Variants in SFI1 observed in about 807,000 individuals in gnomAD.
SFI1 encodes protein SFI1 homolog.
Under a neutral mutation model 207.5 loss-of-function variants are expected in SFI1, and 195 were observed. The observed-to-expected ratio is 0.94, with a 90% confidence interval of 0.84 to 1.06. SFI1 has a LOEUF of 1.06. SFI1 is among the 50% of genes least tolerant of loss of function. The pLI is 0.00. For synonymous variants in SFI1, 630 were observed against 598.9 expected, an observed-to-expected ratio of 1.05 and a Z score of -0.76; for missense variants, 1,634 against 1,588.0, an observed-to-expected ratio of 1.03 and a Z score of -0.49.
In SFI1 at chr22:31,565,823, A is replaced by C. The variant is rs2062236281; in HGVS notation, c.765+4431A>C. Among the ~76,000 whole-genome samples the C allele has an allele frequency of 1.3e-5, 2 of 151,902 alleles. 1 individual carries two copies. Among genetic ancestry groups the C allele is most frequent in the Admixed American group, 1.3e-4 (2 of 15,232 alleles). ...AACGGTATATTTTTGAGGTTTAGCC[A>C]TGTGATTTCTTTCTTCCTTTTTTAA... On this transcript the variant is annotated intron_variant, in intron 8 of 32. Transcript: ENST00000400288.
In SFI1 at chr22:31,616,662, A is replaced by C. The variant is rs1003744802; in HGVS notation, c.3301-83A>C. ...TGGTCTTCCCCCACCCCTGCAGGGCAGGCAGTGACAAGGACTTGGTGTCCC... is the reference window on the plus strand; with the variant it reads ...TGGTCTTCCCCCACCCCTGCAGGGCCGGCAGTGACAAGGACTTGGTGTCCC... On this transcript the variant is annotated intron_variant, in intron 29 of 32. Coordinates refer to ENST00000400288, the MANE Select transcript of SFI1 (RefSeq NM_001007467.3). 3 of 1,430,036 alleles carry C rather than the reference A, an allele frequency of 2.1e-6. No homozygotes were observed. The African/African-American group carries it at 4.3e-5, about 20-fold the overall frequency. 88.6% of individuals were successfully genotyped at this position (1,430,036 alleles called of 1,614,324 possible). A position where few individuals can be genotyped will look rare whatever the true frequency, so the allele number is the denominator to read the frequency against.
Position 31,578,429 on chromosome 22 carries a change from G to A in SFI1, c.1132G>A (p.Glu378Lys), listed in dbSNP as rs1309859577. 6.2e-7 allele frequency: 1 copy of A among 1,613,740 alleles called. No individual in the cohort carries two copies. Among genetic ancestry groups the A allele is most frequent in the East Asian group, 2.2e-5 (1 of 44,876 alleles). ...AGCTGCCCAGTTTGAGATGGCAGAA[G>A]AGCACCACAGGCACAGCCAGCTGGT... Reference protein sequence around the residue: ...EEAAQFEMAEEHHRHSQLYFC... With the variant: ...EEAAQFEMAEKHHRHSQLYFC... Residue 378 changes from glutamate to lysine, a missense_variant, in exon 11 of 33, where the codon GAG becomes AAG. Coordinates refer to ENST00000400288, the MANE Select transcript of SFI1 (RefSeq NM_001007467.3).
rs534819316 is a variant in SFI1, at chr22:31,522,475, A to G, written c.93-6215A>G. Among the ~76,000 whole-genome samples, 88 of 152,312 alleles carry G rather than the reference A, an allele frequency of 5.8e-4. 1 individual carries two copies. The South Asian group carries it at 0.018, about 31-fold the overall frequency. On this transcript the variant is annotated intron_variant, in intron 2 of 32. Coordinates refer to ENST00000400288, the MANE Select transcript of SFI1 (RefSeq NM_001007467.3). ...CATCCCATGTGGAAATTCTGTATTC[A>G]TTAAATGGTATCTCCTCATTCCTCC...
chr22:31,524,059 G>A (rs928277027), intron 2 of SFI1, among the ~76,000 whole-genome samples: 1 of 150,642 alleles, frequency 6.6e-6, no homozygotes, highest in Non-Finnish European at 1.5e-5. Context: ...AAAATTAGCC[G>A]GGCTTGGTGG....
At position 31,613,685 on chromosome 22, in the gene SFI1, G is replaced by A. The variant is rs1232440262; in HGVS notation, c.2826G>A (p.Gln942=). 8 of 1,611,250 alleles carry A rather than the reference G, an allele frequency of 5.0e-6. No individual in the cohort carries two copies. In the South Asian group the frequency reaches 8.8e-5, roughly 18 times the overall value. The change falls in exon 27 of 33, where the codon CAG becomes CAA. Residue 942 remains glutamine, a synonymous_variant. Coordinates refer to ENST00000400288, the MANE Select transcript of SFI1 (RefSeq NM_001007467.3). ...QKVLGRGGKP[Q]PLAAIAPSRK... ...TGCTGGGCCGGGGCGGGAAGCCTCA[G>A]CCCCTGGCAGCCATCGCACCCAGCA...
Position 31,557,067 on chromosome 22 carries a change from T to TG in SFI1, c.662+9dup. Reference sequence around the variant, plus strand: ...GCAACGGATTATCTTACGGTGAGTCTGCTCAACTGCCCTACAAAGTACCAG... The same window carrying TG: ...GCAACGGATTATCTTACGGTGAGTCTGGCTCAACTGCCCTACAAAGTACCAG... On this transcript the variant is annotated intron_variant, in intron 7 of 32. Coordinates refer to ENST00000400288, the MANE Select transcript of SFI1 (RefSeq NM_001007467.3). The TG allele has an allele frequency of 5.1e-6, 8 of 1,554,168 alleles. No homozygotes were observed. The highest frequency in any genetic ancestry group is 7.0e-6 in the Non-Finnish European group (8 of 1,135,050).
In SFI1 at chr22:31,613,851, G is replaced by T. The variant is rs1419859092; in HGVS notation, c.2992G>T (p.Glu998Ter). 3 of 1,601,188 alleles carry T rather than the reference G, an allele frequency of 1.9e-6. No individual in the cohort carries two copies. In the Admixed American group the frequency reaches 5.1e-5, roughly 27 times the overall value. ...RLAAEEPHAL[E>*]LNTAHSARKQ... ...GGCTGCTGAGGAGCCCCACGCCCTG[G>T]AGCTGTGAGTAGCCTGTGCTCACCT... is the stretch of plus-strand genomic sequence containing the variant. Residue 998 changes from glutamate (E) to a stop codon, truncating the protein, a stop_gained, in exon 27 of 33, where the codon GAG (glutamate) becomes TAG (stop). Coordinates refer to ENST00000400288, the MANE Select transcript of SFI1 (RefSeq NM_001007467.3). LOFTEE classifies it high-confidence loss of function.
At chr22:31,566,981 C>T (rs2062378776) in intron 8 of SFI1, among the ~76,000 whole-genome samples, 1 of 152,132 alleles carries the variant, frequency 6.6e-6, no homozygotes, top group African/African-American at 2.4e-5. Flanking sequence ...TCTCGGCTCA[C>T]TGCAAGCTCC....
At position 31,526,977 on chromosome 22, in the gene SFI1, A is replaced by G. The variant is rs138584216; in HGVS notation, c.93-1713A>G. Reference sequence around the variant, plus strand: ...GAGTGCAATGGCATGGCTCACCGCAACCTCCGCCTCCCGGGTTCAAGCGAT... The same window carrying G: ...GAGTGCAATGGCATGGCTCACCGCAGCCTCCGCCTCCCGGGTTCAAGCGAT... On this transcript the variant is annotated intron_variant, in intron 2 of 32. Transcript: ENST00000400288. Among the ~76,000 whole-genome samples the G allele has an allele frequency of 8.5e-3, 1,282 of 150,284 alleles. 18 individuals carry two copies. Among genetic ancestry groups the G allele is most frequent in the African/African-American group, 0.029 (1,198 of 40,788 alleles).
chr22:31,499,708 T>A (rs1472680586), intron 1 of SFI1, among the ~76,000 whole-genome samples: 1 of 152,138 alleles, frequency 6.6e-6, no homozygotes, highest in African/African-American at 2.4e-5. Context: ...GTGACACACA[T>A]CACTATTGTC....
At chr22:31,527,661 T>C (rs373799349) in intron 2 of SFI1, among the ~76,000 whole-genome samples, 1 of 152,290 alleles carries the variant, frequency 6.6e-6, no homozygotes, top group East Asian at 1.9e-4. Context: ...TCAGTGCAGA[T>C]ATTCTGAAGC....
Position 31,606,310 on chromosome 22 carries a change from G to T in SFI1, c.2055-18G>T. 1.2e-6 allele frequency: 2 copies of T among 1,610,368 alleles called. No homozygotes were observed. Among genetic ancestry groups the T allele is most frequent in the Non-Finnish European group, 1.7e-6 (2 of 1,177,226 alleles). ...TATCCTGGTGTCATCTGCCTTCCTC[G>T]CACCCATGCATCTGCAGCGGGGCAT... On this transcript the variant is annotated intron_variant, in intron 20 of 32. Transcript: ENST00000400288.
At chr22:31,581,916 T>C (rs2064228122) in intron 12 of SFI1, among the ~76,000 whole-genome samples, 1 of 152,036 alleles carries the variant, frequency 6.6e-6, no homozygotes, top group Non-Finnish European at 1.5e-5. Flanking sequence ...TATTTCAGCA[T>C]GCGTCACTCA....
chr22:31,581,542 T>C (rs2064181749), intron 12 of SFI1, among the ~76,000 whole-genome samples: 1 of 152,154 alleles, frequency 6.6e-6, no homozygotes, highest in Admixed American at 6.5e-5. Flanking sequence ...TCCACCTGCC[T>C]CGGCCTCCTA....
At chr22:31,500,372 G>A (rs1056186514) in intron 1 of SFI1, among the ~76,000 whole-genome samples, 2 of 151,976 alleles carry the variant, frequency 1.3e-5, no homozygotes, top group Admixed American at 1.3e-4. Flanking sequence ...TTAACATGGA[G>A]GCAAGACCCT....
At chr22:31,574,154 T>G (rs999912553) in intron 9 of SFI1, among the ~76,000 whole-genome samples, 1 of 152,220 alleles carries the variant, frequency 6.6e-6, no homozygotes, top group African/African-American at 2.4e-5. Flanking sequence ...AGTCAAGCAC[T>G]GTGCTAGACA....
intron 29 of SFI1, chr22:31,615,987 C>T (rs968478708): frequency 1.3e-5 from 2 of 152,130 alleles, no homozygotes; most frequent in African/African-American, 4.8e-5. Context: ...AGGAAGAGGT[C>T]AGGGCCAGAG....
intron 11 of SFI1, chr22:31,580,023 G>A: frequency 2.7e-6 from 1 of 369,120 alleles, no homozygotes; most frequent in Non-Finnish European, 4.9e-6. Flanking sequence ...TTGTTCTTGT[G>A]CAGTATAGAT....
intron 15 of SFI1, among the ~76,000 whole-genome samples, chr22:31,598,218 C>A (rs2067450578): frequency 6.6e-6 from 1 of 151,920 alleles, no homozygotes; most frequent in Non-Finnish European, 1.5e-5. Context: ...ATCTCCTGAC[C>A]TCATGATCCG....
Sources: allele counts gnomAD v4.1 joint callset (sites outside exome capture counted in the v4.1 genomes callset), GRCh38; gene constraint gnomAD v4.1.1; transcripts MANE v1.5; gene names NCBI Gene and HGNC (gene_info 2026-07-23, HGNC 2026-07-21).